Variants in CNTN4 observed in about 807,000 individuals in gnomAD.
CNTN4 encodes the protein contactin-4.
CNTN4 carries 77 observed loss-of-function variants against 122.5 expected under a neutral mutation model. The ratio of observed to expected loss-of-function variants is 0.63; its 90% CI spans 0.52 to 0.76. The LOEUF (loss-of-function observed/expected upper bound fraction) is 0.76. Ranked by LOEUF, CNTN4 falls within the 30% of genes least tolerant of loss-of-function variation. The pLI, the probability that CNTN4 is intolerant of heterozygous loss-of-function variation, is 0.00. For synonymous variants in CNTN4, 512 were observed against 447.0 expected, an observed-to-expected ratio of 1.15 and a Z score of -1.83; for missense variants, 1,256 against 1,259.1, an observed-to-expected ratio of 1.00 and a Z score of 0.04.
chr3:2,763,890 T>A (rs568810262), intron 6 of CNTN4, among the ~76,000 whole-genome samples: 4 of 152,144 alleles, frequency 2.6e-5, no homozygotes, highest in Non-Finnish European at 4.4e-5. Flanking sequence ...TGTGTCCCTA[T>A]AGTATAGTTT....
intron 8 of CNTN4, among the ~76,000 whole-genome samples, chr3:2,874,743 T>G (rs1193661771): frequency 6.6e-6 from 1 of 152,170 alleles, no homozygotes; most frequent in South Asian, 2.1e-4. Flanking sequence ...GGGCCTGGTC[T>G]TGGGAATCAA....
At chr3:3,011,877 CAT>C (rs1559787128) in intron 14 of CNTN4, among the ~76,000 whole-genome samples, 1 of 151,248 alleles carries the variant, frequency 6.6e-6, no homozygotes, top group Non-Finnish European at 1.5e-5. Context: ...AAGAGACTTC[CAT>C]GATGATGATG....
chr3:2,872,469 T>A (rs1309716011), intron 8 of CNTN4, among the ~76,000 whole-genome samples: 1 of 152,156 alleles, frequency 6.6e-6, no homozygotes, highest in African/African-American at 2.4e-5. Flanking sequence ...AAGGTTTTTT[T>A]TTTGTTTTGT....
At chr3:2,950,645 T>C (rs374342710) in intron 13 of CNTN4, among the ~76,000 whole-genome samples, 17 of 152,228 alleles carry the variant, frequency 1.1e-4, no homozygotes. Context: ...GAAGGCAACG[T>C]GTGGCCACTC....
intron 6 of CNTN4, among the ~76,000 whole-genome samples, chr3:2,784,779 T>C (rs2091743483): frequency 6.6e-6 from 1 of 152,160 alleles, no homozygotes. Context: ...TTTCCCCCTC[T>C]GATAAAAGAG....
At chr3:2,727,140 A>C (rs1465628922) in intron 4 of CNTN4, among the ~76,000 whole-genome samples, 1 of 152,196 alleles carries the variant, frequency 6.6e-6, no homozygotes, top group Non-Finnish European at 1.5e-5. Flanking sequence ...ATCTAGTCCC[A>C]GAAACTCGGA....
chr3:2,637,443 C>G (rs866322219), intron 4 of CNTN4, among the ~76,000 whole-genome samples: 2 of 151,966 alleles, frequency 1.3e-5, no homozygotes, highest in Middle Eastern at 3.2e-3. Flanking sequence ...ATTAGGCATT[C>G]GATGAAGAGT....
intron 3 of CNTN4, among the ~76,000 whole-genome samples, chr3:2,534,517 G>A (rs1469293386): frequency 6.6e-6 from 1 of 152,048 alleles, no homozygotes; most frequent in Non-Finnish European, 1.5e-5. Flanking sequence ...GCTGCAGTGT[G>A]GGTGCACTTG....
chr3:2,713,418 G>A lies in CNTN4; in HGVS notation c.56-22797G>A, dbSNP rs74493156. On this transcript the variant is annotated intron_variant, in intron 4 of 24. Coordinates refer to ENST00000418658, the MANE Select transcript of CNTN4 (RefSeq NM_175607.3). ...TACATTTGATGAAGAGTGGAAAGTC[G>A]TATAGAGATATGATTGAACAAAAAG... 5.7e-4 allele frequency among the ~76,000 whole-genome samples: 87 copies of A among 152,218 alleles called. 1 individual carries two copies. Among genetic ancestry groups the A allele is most frequent in the Middle Eastern group, 3.4e-3 (1 of 294 alleles).
intron 3 of CNTN4, among the ~76,000 whole-genome samples, chr3:2,440,929 GATT>G (rs1483282358): frequency 6.8e-6 from 1 of 146,526 alleles, no homozygotes; most frequent in East Asian, 2.0e-4. Flanking sequence ...TATATAAAAA[GATT>G]ATATATGTGT....
chr3:2,707,784 C>A (rs1193974187), intron 4 of CNTN4, among the ~76,000 whole-genome samples: 1 of 152,204 alleles, frequency 6.6e-6, no homozygotes, highest in African/African-American at 2.4e-5. Flanking sequence ...GCTGCACATA[C>A]CACCACACCT....
intron 2 of CNTN4, among the ~76,000 whole-genome samples, chr3:2,245,632 C>T (rs1373059090): frequency 6.6e-6 from 1 of 151,894 alleles, no homozygotes; most frequent in Admixed American, 6.6e-5. Context: ...GTACCATGTA[C>T]ATGTTTTTAG....
At chr3:2,233,757 A>G (rs2149561098) in intron 2 of CNTN4, among the ~76,000 whole-genome samples, 1 of 152,250 alleles carries the variant, frequency 6.6e-6, no homozygotes, top group South Asian at 2.1e-4. Context: ...TACTCCTCTA[A>G]TTTTGTGGAT....
chr3:2,933,490 C>A (rs1226909291), intron 13 of CNTN4, among the ~76,000 whole-genome samples: 1 of 152,144 alleles, frequency 6.6e-6, no homozygotes, highest in Non-Finnish European at 1.5e-5. Context: ...TTACAGCTAT[C>A]GGTCTGGGAA....
At chr3:2,718,287 C>A (rs544078975) in intron 4 of CNTN4, among the ~76,000 whole-genome samples, 1 of 151,660 alleles carries the variant, frequency 6.6e-6, no homozygotes, top group Non-Finnish European at 1.5e-5. Context: ...ATACTGATTT[C>A]TCTATGTTGG....
In CNTN4 at chr3:2,268,506, A is replaced by AC. The variant is rs1185123438; in HGVS notation, c.-144-70672_-144-70671insC. On this transcript the variant is annotated intron_variant, in intron 2 of 24. Coordinates refer to ENST00000418658, the MANE Select transcript of CNTN4 (RefSeq NM_175607.3). The stretch of plus-strand genomic sequence containing the variant: ...AGGAATTTGATTCTTTTATTATATT[A>AC]ATAGTATCTGTTACATAATATTAAC... Among the ~76,000 whole-genome samples, 667 of 152,188 alleles carry AC rather than the reference A, an allele frequency of 4.4e-3. 9 individuals are homozygous for AC. Among genetic ancestry groups the AC allele is most frequent in the African/African-American group, 0.015 (641 of 41,522 alleles).
At chr3:2,747,416 AAATAAAAATAAAAATAAAAAAT>A (rs200204077) in intron 6 of CNTN4, among the ~76,000 whole-genome samples, 120,904 of 145,324 alleles carry the variant, frequency 0.83, 50,562 homozygotes, top group Non-Finnish European at 0.91. Flanking sequence ...CTAAAAAAAA[AAATAAAAATAAAAATAAAAAAT>A]AAAATACTAT....
intron 3 of CNTN4, among the ~76,000 whole-genome samples, chr3:2,522,780 A>G (rs1286351777): frequency 1.3e-5 from 2 of 152,062 alleles, no homozygotes; most frequent in African/African-American, 4.8e-5. Flanking sequence ...TAATAAGGAT[A>G]AAGACCATGT....
Position 2,822,933 on chromosome 3 carries a change from G to A in CNTN4, c.454+3352G>A, listed in dbSNP as rs1010656621. ...TATTATAAGCTCTATTAGAAATGGC[G>A]TGCACATTAACGCTGTGGGCAAAGC... On this transcript the variant is annotated intron_variant, in intron 7 of 24. Coordinates refer to ENST00000418658, the MANE Select transcript of CNTN4 (RefSeq NM_175607.3). 7.9e-5 allele frequency among the ~76,000 whole-genome samples: 12 copies of A among 152,282 alleles called. 1 individual carries two copies. The highest frequency in any genetic ancestry group is 4.2e-4 in the South Asian group (2 of 4,816).
Sources: allele counts gnomAD v4.1 joint callset (sites outside exome capture counted in the v4.1 genomes callset), GRCh38; gene constraint gnomAD v4.1.1; transcripts MANE v1.5; gene names NCBI Gene and HGNC (gene_info 2026-07-23, HGNC 2026-07-21).